FAM124A: variants seen among roughly 807,000 people sequenced by gnomAD.
FAM124A encodes the protein protein FAM124A.
A neutral mutation model predicts 24.5 loss-of-function variants in FAM124A; 23 were observed. The ratio of observed to expected loss-of-function variants is 0.94; its 90% CI spans 0.68 to 1.33. The LOEUF (loss-of-function observed/expected upper bound fraction) is 1.33. Among genes scored for constraint, FAM124A ranks in the 40% most tolerant of loss-of-function variants. FAM124A has a pLI of 0.00. For synonymous variants in FAM124A, 287 were observed against 314.7 expected, an observed-to-expected ratio of 0.91 and a Z score of 0.93; for missense variants, 623 against 722.8, an observed-to-expected ratio of 0.86 and a Z score of 1.58.
At chr13:51,254,650 A>G (rs1350308502) in intron 3 of FAM124A, among the ~76,000 whole-genome samples, 1 of 152,178 alleles carries the variant, frequency 6.6e-6, no homozygotes, top group Non-Finnish European at 1.5e-5. Context: ...ACTGTCAGCA[A>G]ACATGTTCCC....
In FAM124A at chr13:51,251,728, C is replaced by T; in HGVS notation, c.361C>T (p.Arg121Cys). 3 of 1,585,636 alleles carry T rather than the reference C, an allele frequency of 1.9e-6. No homozygotes were observed. Among genetic ancestry groups the T allele is most frequent in the Non-Finnish European group, 2.6e-6 (3 of 1,167,690 alleles). Residue 121 changes from arginine (R) to cysteine (C), a missense_variant, in exon 3 of 4, where the codon CGC (arginine) becomes TGC (cysteine). Physicochemically the swap from Arg to Cys is radical, Grantham distance 180. Transcript: ENST00000322475. This position sits in a 1 kb window ranked among gnomAD's most constrained non-coding sequence, Gnocchi z 5.3. ...CGAAGAGCAGATCCTGCAGCTGCACCGCACACTGCAGCAGCCGCCCTGGCG... is the reference window on the plus strand; with the variant it reads ...CGAAGAGCAGATCCTGCAGCTGCACTGCACACTGCAGCAGCCGCCCTGGCG... Reference protein sequence around the residue: ...YGEEQILQLHRTLQQPPWRHH... With the variant: ...YGEEQILQLHCTLQQPPWRHH...
intron 1 of FAM124A, among the ~76,000 whole-genome samples, chr13:51,224,870 G>A (rs937006818): frequency 4.6e-5 from 7 of 152,048 alleles, no homozygotes; most frequent in African/African-American, 9.7e-5. Flanking sequence ...TTCTCAGCAG[G>A]TCCTTCTTTG....
At chr13:51,243,767 C>T (rs977227523) in intron 2 of FAM124A, among the ~76,000 whole-genome samples, 15 of 152,130 alleles carry the variant, frequency 9.9e-5, no homozygotes, top group African/African-American at 3.4e-4. Flanking sequence ...AACTCCTAAC[C>T]TCAGGTGATC....
In FAM124A at chr13:51,251,368, A is replaced by G. The variant is rs545037325; in HGVS notation, c.101-100A>G. On this transcript the variant is annotated intron_variant, in intron 2 of 3. Transcript: ENST00000322475. The surrounding 1 kb of genome is among the most constrained non-coding windows in gnomAD (Gnocchi z 5.3). Reference sequence around the variant, plus strand: ...ATGGAGTCAGTTCAGTTAGAATTTGACTTCTCTTCCTGTCAAGCCTGTACA... The same window carrying G: ...ATGGAGTCAGTTCAGTTAGAATTTGGCTTCTCTTCCTGTCAAGCCTGTACA... The G allele has an allele frequency of 7.4e-7, 1 of 1,360,490 alleles. No homozygotes were observed. Among genetic ancestry groups the G allele is most frequent in the African/African-American group, 1.5e-5 (1 of 68,420 alleles). 84.3% of individuals were successfully genotyped at this position (1,360,490 alleles called of 1,614,324 possible). A position where few individuals can be genotyped will look rare whatever the true frequency, so the allele number is the denominator to read the frequency against.
Position 51,280,719 on chromosome 13 carries a change from G to T in FAM124A, c.1104G>T (p.Thr368=), listed in dbSNP as rs201596638. 6.2e-7 allele frequency: 1 copy of T among 1,613,990 alleles called. No individual in the cohort carries two copies. Among genetic ancestry groups the T allele is most frequent in the Non-Finnish European group, 8.5e-7 (1 of 1,180,016 alleles). ...QRSKSLFCLP[T]GGPSLASSAE... ...GCAAGTCCTTGTTTTGTTTGCCCAC[G>T]GGAGGCCCCTCCCTGGCCTCCTCAG... is the stretch of plus-strand genomic sequence containing the variant. The change falls in exon 4 of 4, where the codon ACG becomes ACT. Residue 368 remains threonine, a synonymous_variant. Transcript: ENST00000322475.
intron 3 of FAM124A, among the ~76,000 whole-genome samples, chr13:51,257,267 T>C: frequency 6.6e-6 from 1 of 152,202 alleles, no homozygotes; most frequent in East Asian, 1.9e-4. Context: ...ACCACACTGT[T>C]CTCCATAGCA....
In FAM124A at chr13:51,251,256, C is replaced by T. The variant is rs575024626; in HGVS notation, c.101-212C>T. ...CCCTGTCCAGCTTAGAAACTATTCACGTAGCAACAGCCCTTTCCTCTTTGG... is the reference window on the plus strand; with the variant it reads ...CCCTGTCCAGCTTAGAAACTATTCATGTAGCAACAGCCCTTTCCTCTTTGG... On this transcript the variant is annotated intron_variant, in intron 2 of 3. Coordinates refer to ENST00000322475, the MANE Select transcript of FAM124A (RefSeq NM_001242312.2). This position sits in a 1 kb window ranked among gnomAD's most constrained non-coding sequence, Gnocchi z 5.3. Among the ~76,000 whole-genome samples, 23 of 152,312 alleles carry T rather than the reference C, an allele frequency of 1.5e-4. No homozygotes were observed. The highest frequency in any genetic ancestry group is 5.1e-4 in the African/African-American group (21 of 41,568).
At chr13:51,257,218 T>C (rs1954684597) in intron 3 of FAM124A, among the ~76,000 whole-genome samples, 1 of 152,226 alleles carries the variant, frequency 6.6e-6, no homozygotes, top group Non-Finnish European at 1.5e-5. Flanking sequence ...ATTGCTGGAT[T>C]GTACAGTAAT....
chr13:51,253,791 A>C (rs146174081), intron 3 of FAM124A, among the ~76,000 whole-genome samples: 5 of 152,190 alleles, frequency 3.3e-5, no homozygotes, highest in African/African-American at 1.2e-4. Flanking sequence ...ATGGCTATAA[A>C]CTCTATACAG....
intron 2 of FAM124A, among the ~76,000 whole-genome samples, chr13:51,243,158 C>T (rs1026974099): frequency 6.6e-6 from 1 of 152,206 alleles, no homozygotes; most frequent in Non-Finnish European, 1.5e-5. Context: ...CAACCAGTCT[C>T]GCCACTTTCA....
chr13:51,275,917 G>C (rs1324914023), intron 3 of FAM124A, among the ~76,000 whole-genome samples: 1 of 152,192 alleles, frequency 6.6e-6, no homozygotes, highest in Non-Finnish European at 1.5e-5. Flanking sequence ...ATGAGGGGAA[G>C]TGGCCAAATG....
At chr13:51,278,120 T>G (rs889009987) in intron 3 of FAM124A, among the ~76,000 whole-genome samples, 1 of 152,128 alleles carries the variant, frequency 6.6e-6, no homozygotes, top group Non-Finnish European at 1.5e-5. Context: ...CTGCACTGCT[T>G]CAAAGAGAAA....
chr13:51,235,788 A>G (rs369218756), intron 2 of FAM124A, among the ~76,000 whole-genome samples: 4 of 152,240 alleles, frequency 2.6e-5, no homozygotes, highest in Non-Finnish European at 4.4e-5. Context: ...GTGAAGTGAT[A>G]GAGGGCTTCT....
intron 3 of FAM124A, chr13:51,253,426 A>G: frequency 6.6e-6 from 1 of 152,260 alleles, no homozygotes; most frequent in South Asian, 2.1e-4. Flanking sequence ...AACTGTGCAG[A>G]TAAGGAACTA....
chr13:51,282,540 T>C lies in FAM124A; in HGVS notation c.*1284T>C, dbSNP rs754814554. The C allele has an allele frequency of 6.6e-5, 10 of 152,278 alleles. No individual in the cohort carries two copies. Among genetic ancestry groups the C allele is most frequent in the Admixed American group, 1.3e-4 (2 of 15,288 alleles). 9.4% of individuals were successfully genotyped at this position (152,278 alleles called of 1,614,324 possible). The stretch of plus-strand genomic sequence containing the variant: ...TGCCAAAGGCTGGCATCGGGGGCAG[T>C]GCCAAGCTGTCCCTGGATACTATTT... On this transcript the variant is annotated 3_prime_UTR_variant, in exon 4 of 4. Coordinates refer to ENST00000322475, the MANE Select transcript of FAM124A (RefSeq NM_001242312.2).
chr13:51,280,793 C>T lies in FAM124A; in HGVS notation c.1178C>T (p.Ser393Leu). The T allele has an allele frequency of 6.2e-7, 1 of 1,614,202 alleles. No individual in the cohort carries two copies. Among genetic ancestry groups the T allele is most frequent in the Non-Finnish European group, 8.5e-7 (1 of 1,180,054 alleles). ...ACAGGTGCCCCAGGGCACAGGGCATCAGAGTGGAGGCATGGCCACCTCCTC... is the reference window on the plus strand; with the variant it reads ...ACAGGTGCCCCAGGGCACAGGGCATTAGAGTGGAGGCATGGCCACCTCCTC... The part of the protein sequence containing the change: ...SNTGAPGHRA[S>L]EWRHGHLLSI... Residue 393 changes from serine (S) to leucine (L), a missense_variant, in exon 4 of 4, where the codon TCA (serine) becomes TTA (leucine). Physicochemically the swap from Ser to Leu is moderately radical, Grantham distance 145 (BLOSUM62 -2). Transcript: ENST00000322475.
intron 2 of FAM124A, among the ~76,000 whole-genome samples, chr13:51,246,715 A>C (rs1481607656): frequency 6.6e-6 from 1 of 152,160 alleles, no homozygotes; most frequent in Non-Finnish European, 1.5e-5. Context: ...CCCTGCTCTG[A>C]GGCCGGGCAT....
intron 2 of FAM124A, among the ~76,000 whole-genome samples, chr13:51,239,231 A>G (rs1483469848): frequency 1.3e-5 from 2 of 152,230 alleles, no homozygotes; most frequent in Non-Finnish European, 2.9e-5. Context: ...CCCAAATAAT[A>G]CATAGTCATT....
chr13:51,232,556 A>G (rs1396634431), intron 2 of FAM124A, among the ~76,000 whole-genome samples: 2 of 152,226 alleles, frequency 1.3e-5, no homozygotes, highest in Non-Finnish European at 2.9e-5. Flanking sequence ...ATATTTCATT[A>G]TTAGTATAAC....
Sources: allele counts gnomAD v4.1 joint callset (sites outside exome capture counted in the v4.1 genomes callset), GRCh38; gene constraint gnomAD v4.1.1; non-coding constraint Gnocchi (gnomAD v3.1); transcripts MANE v1.5; gene names NCBI Gene and HGNC (gene_info 2026-07-23, HGNC 2026-07-21).